Variants in FXYD6 observed in about 807,000 individuals in gnomAD.
FXYD6 encodes the protein FXYD domain-containing ion transport regulator 6.
Under a neutral mutation model 16.7 loss-of-function variants are expected in FXYD6, and 7 were observed. That is an observed-to-expected ratio of 0.42 (90% CI 0.24 to 0.79). The LOEUF is 0.79. FXYD6 is among the 30% of genes least tolerant of loss of function. The pLI, the probability that FXYD6 is intolerant of heterozygous loss-of-function variation, is 0.28. For missense variants in FXYD6, 111 were observed against 116.2 expected, an observed-to-expected ratio of 0.95 and a Z score of 0.21; for synonymous variants, 49 against 43.0, an observed-to-expected ratio of 1.14 and a Z score of -0.54.
At chr11:117,840,646 G>A (rs578137057) in intron 5 of FXYD6, among the ~76,000 whole-genome samples, 12 of 152,164 alleles carry the variant, frequency 7.9e-5, no homozygotes, top group South Asian at 6.2e-4. Context: ...CCTGCCACAC[G>A]CTTTGGACTT....
chr11:117,867,430 C>A (rs544418266), intron 1 of FXYD6, among the ~76,000 whole-genome samples: 15 of 152,318 alleles, frequency 9.8e-5, no homozygotes, highest in Non-Finnish European at 2.1e-4. Flanking sequence ...TTCCGTCACT[C>A]CTCTGGGTAA....
intron 1 of FXYD6, among the ~76,000 whole-genome samples, chr11:117,851,279 T>C (rs1448316069): frequency 7.0e-6 from 1 of 143,008 alleles, no homozygotes; most frequent in Non-Finnish European, 1.6e-5. Flanking sequence ...CAGCCTCTTG[T>C]GTGCTCTCTC....
chr11:117,863,531 C>T (rs1478418720), intron 1 of FXYD6, among the ~76,000 whole-genome samples: 4 of 151,124 alleles, frequency 2.6e-5, no homozygotes, highest in South Asian at 2.1e-4. Flanking sequence ...AGACTTAACG[C>T]TTTTCCTCTA....
chr11:117,868,023 C>T (rs1361875460), intron 1 of FXYD6, among the ~76,000 whole-genome samples: 1 of 152,190 alleles, frequency 6.6e-6, no homozygotes, highest in Admixed American at 6.5e-5. Context: ...TGTCCAGCTG[C>T]CACTCCACGT....
intron 4 of FXYD6, chr11:117,841,587 T>C (rs1048808096): frequency 1.1e-5 from 7 of 626,514 alleles, no homozygotes; most frequent in Non-Finnish European, 2.0e-5. Flanking sequence ...CATTGTCATA[T>C]GACATTTTCT....
rs1458469727 is a variant in FXYD6 at position 117,858,703 on chromosome 11, C to CTCTCTT, written c.-5-15923_-5-15922insAAGAGA. On this transcript the variant is annotated intron_variant, in intron 1 of 7. Coordinates refer to ENST00000526014, the MANE Select transcript of FXYD6 (RefSeq NM_022003.4). ...TCTTTCTTTCTTTCTTTCTTTCTTTCTCTCTCTCTCTCCTTCCTTCCCTTC... is the reference window on the plus strand; with the variant it reads ...TCTTTCTTTCTTTCTTTCTTTCTTTCTCTCTTTCTCTCTCTCTCCTTCCTTCCCTTC... Among the ~76,000 whole-genome samples the CTCTCTT allele has an allele frequency of 2.4e-3, 233 of 95,486 alleles. 13 individuals carry two copies. The Admixed American group carries it at 0.028, about 11-fold the overall frequency. The allele number at this position is 95,486 out of a possible 152,430, so 62.6% of individuals were successfully genotyped here.
intron 1 of FXYD6, among the ~76,000 whole-genome samples, chr11:117,849,657 A>G (rs1036653494): frequency 2.6e-5 from 4 of 152,104 alleles, no homozygotes; most frequent in Non-Finnish European, 4.4e-5. Flanking sequence ...TAATCTGATC[A>G]GGTCTGCCTG....
chr11:117,876,928 AT>A, upstream of FXYD6: 1 of 151,928 alleles, frequency 6.6e-6, no homozygotes, highest in East Asian at 1.9e-4. Context: ...GGGCGGAGAG[AT>A]TTTTCCAAAG....
intron 1 of FXYD6, among the ~76,000 whole-genome samples, chr11:117,873,085 A>G (rs1392015747): frequency 6.6e-6 from 1 of 152,160 alleles, no homozygotes; most frequent in Non-Finnish European, 1.5e-5. Context: ...AAGGCCAGGT[A>G]GACCACAGCA....
chr11:117,868,934 G>T (rs2057070626), intron 1 of FXYD6: 1 of 152,132 alleles, frequency 6.6e-6, no homozygotes, highest in South Asian at 2.1e-4. Context: ...ACAGGAGCTG[G>T]GCTTCTCTGG....
At chr11:117,869,689 A>AAG (rs869048127) in intron 1 of FXYD6, among the ~76,000 whole-genome samples, 13 of 145,580 alleles carry the variant, frequency 8.9e-5, no homozygotes, top group African/African-American at 2.5e-4. Flanking sequence ...GAAGAAGAAG[A>AAG]AGAGAGAGAG....
intron 1 of FXYD6, among the ~76,000 whole-genome samples, chr11:117,869,685 G>A (rs561089908): frequency 6.6e-6 from 1 of 152,204 alleles, no homozygotes; most frequent in Non-Finnish European, 1.5e-5. Flanking sequence ...AGAAGAAGAA[G>A]AAGAAGAGAG....
chr11:117,865,784 G>A (rs146460082), intron 1 of FXYD6, among the ~76,000 whole-genome samples: 132 of 152,226 alleles, frequency 8.7e-4, no homozygotes, highest in African/African-American at 3.0e-3. Context: ...AAAATTAGCC[G>A]GGCGTGGTGG....
rs529233178 is a variant in FXYD6 at position 117,839,643 on chromosome 11, G to C, written c.*21+138C>G. ...CACAGCCCCTTTCAGACTCCTGAAG[G>C]CTCCTCAGGGCAGGGCCCATAATAA... On this transcript the variant is annotated intron_variant, in intron 7 of 7. Coordinates refer to ENST00000526014, the MANE Select transcript of FXYD6 (RefSeq NM_022003.4). The C allele has an allele frequency of 1.0e-5, 10 of 970,156 alleles. No individual in the cohort carries two copies. In the East Asian group the frequency reaches 1.7e-4, roughly 17 times the overall value. The allele number at this position is 970,156 out of a possible 1,614,324, so 60.1% of individuals were successfully genotyped here.
At chr11:117,866,593 C>G (rs891944882) in intron 1 of FXYD6, among the ~76,000 whole-genome samples, 5 of 152,170 alleles carry the variant, frequency 3.3e-5, no homozygotes, top group Non-Finnish European at 5.9e-5. Flanking sequence ...ATGTCTGTTA[C>G]CCATTGTCAG....
chr11:117,848,553 C>T (rs1435406592), intron 1 of FXYD6, among the ~76,000 whole-genome samples: 2 of 152,152 alleles, frequency 1.3e-5, no homozygotes, highest in Admixed American at 6.5e-5. Flanking sequence ...CCTCACAGAA[C>T]AAGTGTCCAC....
Position 117,872,385 on chromosome 11 carries a change from G to A in FXYD6, c.-6+4207C>T, listed in dbSNP as rs2057158371. Among the ~76,000 whole-genome samples, 1 of 152,198 alleles carries A rather than the reference G, an allele frequency of 6.6e-6. No individual in the cohort carries two copies. The highest frequency in any genetic ancestry group is 2.1e-4 in the South Asian group (1 of 4,832). On this transcript the variant is annotated intron_variant, in intron 1 of 7. Transcript: ENST00000526014. This position sits in a 1 kb window ranked among gnomAD's most constrained non-coding sequence, Gnocchi z 4.9. ...TGTGGACATGAGGTGGACAGTAGGGGAGAGGAAGGAACAGGACAAGCCCAT... is the reference window on the plus strand; with the variant it reads ...TGTGGACATGAGGTGGACAGTAGGGAAGAGGAAGGAACAGGACAAGCCCAT...
At position 117,838,216 on chromosome 11, in the gene FXYD6, G is replaced by A. The variant is rs1037674632; in HGVS notation, c.*83C>T. The A allele has an allele frequency of 2.4e-5, 17 of 702,446 alleles. No homozygotes were observed. The highest frequency in any genetic ancestry group is 3.9e-5 in the Non-Finnish European group (15 of 385,002). 43.5% of individuals were successfully genotyped at this position (702,446 alleles called of 1,614,324 possible). A position where few individuals can be genotyped will look rare whatever the true frequency, so the allele number is the denominator to read the frequency against. Reference sequence around the variant, plus strand: ...GGAAAGGGCTGTTGCTGAAGTGGCCGGTTTTCTTAAGCATCGACATTTGCA... The same window carrying A: ...GGAAAGGGCTGTTGCTGAAGTGGCCAGTTTTCTTAAGCATCGACATTTGCA... On this transcript the variant is annotated 3_prime_UTR_variant, in exon 8 of 8. Transcript: ENST00000526014.
intron 7 of FXYD6, 37 bp downstream of exon 7, chr11:117,839,744 T>C (rs1289423164): frequency 1.9e-6 from 3 of 1,613,578 alleles, no homozygotes; most frequent in Non-Finnish European, 2.5e-6. Flanking sequence ...CAGACGGTGA[T>C]GGCAACAGGG....
Sources: gnomAD v4.1 joint callset for allele counts (sites outside exome capture counted in the v4.1 genomes callset) on GRCh38, gnomAD v4.1.1 for gene constraint, Gnocchi (gnomAD v3.1) non-coding constraint, MANE v1.5 for transcripts, NCBI Gene and HGNC (gene_info 2026-07-23, HGNC 2026-07-21) for gene names.